SOS1: variants seen among roughly 807,000 people sequenced by gnomAD.
SOS1 encodes son of sevenless homolog 1.
In SOS1, 25 loss-of-function variants were observed where a neutral mutation model predicts 157.6. The ratio of observed to expected loss-of-function variants is 0.16; its 90% CI spans 0.12 to 0.22. The LOEUF is 0.22. SOS1 is among the 10% of genes least tolerant of loss of function. SOS1 has a pLI of 1.00. For missense variants in SOS1, 1,237 were observed against 1,599.1 expected, an observed-to-expected ratio of 0.77 and a Z score of 3.86; for synonymous variants, 528 against 534.0, an observed-to-expected ratio of 0.99 and a Z score of 0.16.
rs1279218293 is a variant in SOS1, at chr2:38,997,679, A to AT, written c.2792-255dup. Among the ~76,000 whole-genome samples the AT allele has an allele frequency of 1.3e-4, 16 of 126,244 alleles. No homozygotes were observed. In the East Asian group the frequency reaches 3.2e-3, roughly 25 times the overall value. The allele number at this position is 126,244 out of a possible 152,430, so 82.8% of individuals were successfully genotyped here. On this transcript the variant is annotated intron_variant, in intron 17 of 22. Transcript: ENST00000402219. The stretch of plus-strand genomic sequence containing the variant: ...TGGGATACATATTTTTTATTTTTTT[A>AT]TTTTTTTTAGAAAGACTTAAATTTT...
intron 14 of SOS1, among the ~76,000 whole-genome samples, chr2:39,011,246 T>C (rs1248442568): frequency 6.6e-6 from 1 of 152,210 alleles, no homozygotes; most frequent in Non-Finnish European, 1.5e-5. Flanking sequence ...CTGTGTACTT[T>C]TAGCGTTCCT....
At chr2:38,991,125 C>T (rs1417753675) in intron 20 of SOS1, among the ~76,000 whole-genome samples, 3 of 150,786 alleles carry the variant, frequency 2.0e-5, no homozygotes, top group Non-Finnish European at 4.4e-5. Flanking sequence ...TTAAGCTCCT[C>T]AACAGATGAT....
chr2:39,118,745 T>C (rs974162226), intron 1 of SOS1, among the ~76,000 whole-genome samples: 12 of 152,146 alleles, frequency 7.9e-5, no homozygotes, highest in African/African-American at 2.9e-4. Flanking sequence ...TTATGTAATA[T>C]CTCCCATTTT....
intron 2 of SOS1, among the ~76,000 whole-genome samples, chr2:39,063,714 C>T (rs1671491707): frequency 1.3e-5 from 2 of 152,192 alleles, no homozygotes; most frequent in Non-Finnish European, 2.9e-5. Context: ...AACTATACAG[C>T]AACTAAAAAT....
chr2:39,101,403 A>C (rs926882472), intron 1 of SOS1, among the ~76,000 whole-genome samples: 2 of 152,110 alleles, frequency 1.3e-5, no homozygotes, highest in African/African-American at 4.8e-5. Flanking sequence ...AAATATCCAA[A>C]CTATATCAAA....
chr2:39,018,294 A>C (rs1391219302), intron 10 of SOS1, among the ~76,000 whole-genome samples: 2 of 151,920 alleles, frequency 1.3e-5, no homozygotes, highest in Non-Finnish European at 2.9e-5. Context: ...AATATGGTCA[A>C]CAACCAAAAC....
intron 2 of SOS1, among the ~76,000 whole-genome samples, chr2:39,063,498 C>T (rs1671483126): frequency 6.6e-6 from 1 of 152,166 alleles, no homozygotes; most frequent in African/African-American, 2.4e-5. Flanking sequence ...GCAACACTGC[C>T]TGATGGTAAA....
chr2:38,989,728 C>T (rs987837117), intron 20 of SOS1, among the ~76,000 whole-genome samples: 1 of 151,970 alleles, frequency 6.6e-6, no homozygotes, highest in African/African-American at 2.4e-5. Flanking sequence ...AAAAAAGTTA[C>T]TAATTATATG....
In SOS1 at chr2:39,056,820, A is replaced by G. The variant is rs754751004; in HGVS notation, c.392T>C (p.Val131Ala). The G allele has an allele frequency of 1.0e-5, 16 of 1,607,108 alleles. No individual in the cohort carries two copies. Among genetic ancestry groups the G allele is most frequent in the South Asian group, 2.2e-5 (2 of 90,928 alleles). Residue 131 changes from valine to alanine, a missense_variant, in exon 4 of 23, where the codon GTA becomes GCA. By Grantham distance (64) the Val-to-Ala change is moderately conservative. Coordinates refer to ENST00000402219, the MANE Select transcript of SOS1 (RefSeq NM_005633.4). ...KIDHQVSVYI[V>A]AVLEYISADI... ...TGCAGAAATGTATTCTAAGACTGCTACTATGTAAACAGAAACCTGGTGGTC... is the reference window on the plus strand; with the variant it reads ...TGCAGAAATGTATTCTAAGACTGCTGCTATGTAAACAGAAACCTGGTGGTC...
In SOS1 at chr2:38,982,224, C is replaced by CA. The variant is rs1235407115; in HGVS notation, c.*3599dup. ...CGACAGAAAATGCACTTTACGGTGT[C>CA]AAAAATGGAAAATAAGGCATGGAAT... On this transcript the variant is annotated 3_prime_UTR_variant, in exon 23 of 23. Coordinates refer to ENST00000402219, the MANE Select transcript of SOS1 (RefSeq NM_005633.4). 1 of 152,068 alleles carries CA rather than the reference C, an allele frequency of 6.6e-6. No individual in the cohort carries two copies. The highest frequency in any genetic ancestry group is 1.5e-5 in the Non-Finnish European group (1 of 68,006). The allele number at this position is 152,068 out of a possible 1,614,324, so 9.4% of individuals were successfully genotyped here.
intron 1 of SOS1, among the ~76,000 whole-genome samples, chr2:39,110,582 G>A (rs2148223733): frequency 6.6e-6 from 1 of 151,194 alleles, no homozygotes; most frequent in South Asian, 2.1e-4. Context: ...TTTCTTCAAC[G>A]GATAGTTCTG....
intron 2 of SOS1, among the ~76,000 whole-genome samples, chr2:39,059,961 T>C (rs1671343301): frequency 6.6e-6 from 1 of 152,108 alleles, no homozygotes; most frequent in African/African-American, 2.4e-5. Context: ...GTTGAAAAGC[T>C]GTTTGCCAGG....
At chr2:38,997,483 T>TTTATCCTA in intron 17 of SOS1, 58 bp from the exon 18 acceptor site, 2 of 998,338 alleles carry the variant, frequency 2.0e-6, no homozygotes, top group Non-Finnish European at 3.1e-6. Flanking sequence ...AGTTTTTTTC[T>TTTATCCTA]GTTTCATTAA....
chr2:39,009,106 G>C (rs1364553191), intron 15 of SOS1, among the ~76,000 whole-genome samples: 1 of 151,742 alleles, frequency 6.6e-6, no homozygotes, highest in East Asian at 1.9e-4. Context: ...AAGAAGGAAA[G>C]GAAGGTATTG....
chr2:39,062,435 T>TAAAAAAAAAAAAA (rs397974197), intron 2 of SOS1, among the ~76,000 whole-genome samples: 48 of 138,386 alleles, frequency 3.5e-4, no homozygotes, highest in Non-Finnish European at 5.6e-4. Context: ...AAAAAAAAAT[T>TAAAAAAAAAAAAA]AAAAAAAAAA....
intron 1 of SOS1, among the ~76,000 whole-genome samples, chr2:39,100,512 G>A (rs556697357): frequency 1.4e-3 from 210 of 152,222 alleles, no homozygotes; most frequent in African/African-American, 4.9e-3. Context: ...GCAACTACAC[G>A]GATAATAAAC....
intron 2 of SOS1, among the ~76,000 whole-genome samples, chr2:39,065,829 G>C (rs1397273156): frequency 2.6e-5 from 4 of 152,148 alleles, no homozygotes; most frequent in Non-Finnish European, 5.9e-5. Context: ...TCTAGGTGCT[G>C]ATGATTCAAC....
intron 10 of SOS1, among the ~76,000 whole-genome samples, chr2:39,018,435 A>G (rs1276994739): frequency 6.6e-6 from 1 of 151,700 alleles, no homozygotes. Flanking sequence ...CAGCTAGGTT[A>G]TTTTCAAACA....
chr2:39,067,276 A>C (rs1022909451), intron 2 of SOS1, among the ~76,000 whole-genome samples: 3 of 152,144 alleles, frequency 2.0e-5, no homozygotes, highest in African/African-American at 7.2e-5. Flanking sequence ...GGCCTCCCAA[A>C]GTGCTGGGAT....
Sources: gnomAD v4.1 joint callset for allele counts (sites outside exome capture counted in the v4.1 genomes callset) on GRCh38, gnomAD v4.1.1 for gene constraint, MANE v1.5 for transcripts, NCBI Gene and HGNC (gene_info 2026-07-23, HGNC 2026-07-21) for gene names.